Variants in GNB5 observed in about 807,000 individuals in gnomAD.
GNB5 encodes the protein guanine nucleotide-binding protein subunit beta-5.
Under a neutral mutation model 55.3 loss-of-function variants are expected in GNB5, and 37 were observed. The observed-to-expected ratio is 0.67, with a 90% confidence interval of 0.51 to 0.88. The LOEUF is 0.88. GNB5 is among the 40% of genes least tolerant of loss of function. The pLI is 0.00. For synonymous variants in GNB5, 219 were observed against 198.5 expected, an observed-to-expected ratio of 1.10 and a Z score of -0.87; for missense variants, 476 against 515.3, an observed-to-expected ratio of 0.92 and a Z score of 0.74.
chr15:52,146,027 G>A (rs1243849380), intron 6 of GNB5, among the ~76,000 whole-genome samples: 2 of 148,940 alleles, frequency 1.3e-5, no homozygotes, highest in African/African-American at 2.5e-5. Flanking sequence ...CGCGATCTTG[G>A]CTCACTGCAA....
intron 3 of GNB5, among the ~76,000 whole-genome samples, chr15:52,155,868 T>C (rs1320978401): frequency 6.6e-6 from 1 of 152,210 alleles, no homozygotes; most frequent in African/African-American, 2.4e-5. Context: ...ACTGGAGAGT[T>C]ACCATTTTAT....
At chr15:52,174,733 T>C (rs1156645591) in intron 3 of GNB5, among the ~76,000 whole-genome samples, 1 of 152,206 alleles carries the variant, frequency 6.6e-6, no homozygotes, top group African/African-American at 2.4e-5. Context: ...GTAACAACTA[T>C]CCTGGTTTGC....
At chr15:52,186,893 A>G (rs1390702336) in intron 1 of GNB5, among the ~76,000 whole-genome samples, 2 of 152,144 alleles carry the variant, frequency 1.3e-5, no homozygotes, top group African/African-American at 4.8e-5. Flanking sequence ...CTGGGCAACA[A>G]AGGTGTACAG....
At chr15:52,128,325 C>G in intron 9 of GNB5, 81 bp from the exon 10 acceptor site, 1 of 885,072 alleles carries the variant, frequency 1.1e-6, no homozygotes, top group Non-Finnish European at 1.9e-6. Flanking sequence ...CCCTTGGAAT[C>G]AGAATCTCTA....
At chr15:52,190,150 C>T (rs1259891949) in intron 1 of GNB5, among the ~76,000 whole-genome samples, 2 of 145,040 alleles carry the variant, frequency 1.4e-5, no homozygotes, top group African/African-American at 5.1e-5. Context: ...CAGAGTCTTG[C>T]TCTGTCGCCC....
intron 6 of GNB5, among the ~76,000 whole-genome samples, chr15:52,145,324 C>T (rs1367746344): frequency 4.0e-5 from 6 of 151,736 alleles, no homozygotes; most frequent in Admixed American, 6.6e-5. Flanking sequence ...AGACACAATC[C>T]ACTTTTGAGC....
At position 52,118,869 on chromosome 15, in the gene GNB5, T is replaced by TA. The variant is rs35277040; in HGVS notation, c.*3887dup. The TA allele has an allele frequency of 0.09, 8,406 of 93,226 alleles. 954 individuals carry two copies. The highest frequency in any genetic ancestry group is 0.24 in the African/African-American group (6,464 of 26,900). 5.8% of individuals were successfully genotyped at this position (93,226 alleles called of 1,614,324 possible). A position where few individuals can be genotyped will look rare whatever the true frequency, so the allele number is the denominator to read the frequency against. ...TGGGCAACAAGAGCAAAACTCCACGTAAAAAAAAAAAAAAAAAAAAAGTGT... is the reference window on the plus strand; with the variant it reads ...TGGGCAACAAGAGCAAAACTCCACGTAAAAAAAAAAAAAAAAAAAAAAGTGT... On this transcript the variant is annotated 3_prime_UTR_variant, in exon 13 of 13. Coordinates refer to ENST00000261837, the MANE Select transcript of GNB5 (RefSeq NM_016194.4).
At position 52,179,789 on chromosome 15, in the gene GNB5, C is replaced by T. The variant is rs2034732910; in HGVS notation, c.217G>A (p.Ala73Thr). 2 of 1,534,458 alleles carry T rather than the reference C, an allele frequency of 1.3e-6. No homozygotes were observed. Among genetic ancestry groups the T allele is most frequent in the African/African-American group, 1.4e-5 (1 of 69,780 alleles). Residue 73 changes from alanine to threonine, a missense_variant, in exon 3 of 13, where the codon GCC becomes ACC. Transcript: ENST00000261837. ...TCACGCTCCACATCGTGCAGCTTGGCTCGCTCCTCCTCCAGCTTGCCCTTG... is the reference window on the plus strand; with the variant it reads ...TCACGCTCCACATCGTGCAGCTTGGTTCGCTCCTCCTCCAGCTTGCCCTTG... The part of the protein sequence containing the change: ...SLKGKLEEER[A>T]KLHDVELHQV...
chr15:52,157,001 T>C (rs914598877), intron 3 of GNB5, among the ~76,000 whole-genome samples: 20 of 150,852 alleles, frequency 1.3e-4, no homozygotes, highest in African/African-American at 3.9e-4. Context: ...AGTGGCGGGA[T>C]CTCGGCTCAC....
chr15:52,128,897 T>C (rs1358184779), intron 9 of GNB5: 18 of 378,754 alleles, frequency 4.8e-5, no homozygotes, highest in Non-Finnish European at 8.5e-5. Context: ...CAAATGTCTT[T>C]AAACCCCTCC....
rs2033197891 is a variant in GNB5, at chr15:52,118,937, G to A, written c.*3820C>T. 1 of 148,702 alleles carries A rather than the reference G, an allele frequency of 6.7e-6. No homozygotes were observed. Among genetic ancestry groups the A allele is most frequent in the East Asian group, 2.0e-4 (1 of 4,918 alleles). 9.2% of individuals were successfully genotyped at this position (148,702 alleles called of 1,614,324 possible). A position where few individuals can be genotyped will look rare whatever the true frequency, so the allele number is the denominator to read the frequency against. On this transcript the variant is annotated 3_prime_UTR_variant, in exon 13 of 13. Transcript: ENST00000261837. ...AAAAAGTTTGAGAACCACTAGCCCA[G>A]ACGAAGCTCTAACTGATGAGAATTA...
intron 3 of GNB5, among the ~76,000 whole-genome samples, chr15:52,156,101 T>C (rs1443473716): frequency 6.6e-6 from 1 of 152,202 alleles, no homozygotes; most frequent in African/African-American, 2.4e-5. Flanking sequence ...CCCAGTTATT[T>C]ATTTATTCAT....
chr15:52,165,147 C>T (rs892984811), intron 3 of GNB5, among the ~76,000 whole-genome samples: 40 of 151,928 alleles, frequency 2.6e-4, no homozygotes, highest in Admixed American at 2.0e-4. Flanking sequence ...ATAAGGCAAG[C>T]AGACAAGAAT....
In GNB5 at chr15:52,184,646, A is replaced by G. The variant is rs1458272011; in HGVS notation, c.31T>C (p.Phe11Leu). 3 of 1,613,756 alleles carry G rather than the reference A, an allele frequency of 1.9e-6. No homozygotes were observed. In the African/African-American group the frequency reaches 4.0e-5, roughly 22 times the overall value. MCDQTFLVNV[F>L]GSCDKCFKQR... ...TTGAAACATTTGTCACATGAGCCAA[A>G]TACATTAACGAGAAAGGTCTGATCA... is the stretch of plus-strand genomic sequence containing the variant. Residue 11 changes from phenylalanine to leucine, a missense_variant, in exon 2 of 13, where the codon TTT becomes CTT. Transcript: ENST00000261837.
chr15:52,144,883 G>A (rs145553639), intron 6 of GNB5, among the ~76,000 whole-genome samples: 3 of 152,176 alleles, frequency 2.0e-5, no homozygotes, highest in Non-Finnish European at 4.4e-5. Flanking sequence ...CCAGGGAGAC[G>A]ATGACTCGCA....
At chr15:52,145,680 A>T (rs541672397) in intron 6 of GNB5, among the ~76,000 whole-genome samples, 3 of 152,012 alleles carry the variant, frequency 2.0e-5, no homozygotes, top group Non-Finnish European at 4.4e-5. Context: ...GTATGTGAAC[A>T]TGGGCTCCAA....
At chr15:52,137,610 T>C in intron 7 of GNB5, 1 of 1,117,286 alleles carries the variant, frequency 9.0e-7, no homozygotes, top group Middle Eastern at 4.2e-4. Flanking sequence ...CACACAGGGG[T>C]GCCCAGGGAA....
intron 7 of GNB5, among the ~76,000 whole-genome samples, chr15:52,136,096 CACAG>C (rs1473118612): frequency 7.7e-6 from 1 of 129,660 alleles, no homozygotes; most frequent in Non-Finnish European, 1.6e-5. Flanking sequence ...CACACACACA[CACAG>C]GGAAAAGCAG....
intron 9 of GNB5, among the ~76,000 whole-genome samples, chr15:52,128,953 CCTTT>C (rs1218820823): frequency 7.3e-6 from 1 of 137,260 alleles, no homozygotes; most frequent in Non-Finnish European, 1.5e-5. Flanking sequence ...CATTGTTTCT[CCTTT>C]TTTTTTTTTT....
Sources: gnomAD v4.1 joint callset for allele counts (sites outside exome capture counted in the v4.1 genomes callset) on GRCh38, gnomAD v4.1.1 for gene constraint, MANE v1.5 for transcripts, NCBI Gene and HGNC (gene_info 2026-07-23, HGNC 2026-07-21) for gene names.